EPHB2: variants seen among roughly 807,000 people sequenced by gnomAD.
EPHB2 encodes EPH receptor B2.
In EPHB2, 18 loss-of-function variants were observed where a neutral mutation model predicts 96.4. The ratio of observed to expected loss-of-function variants is 0.19; its 90% CI spans 0.13 to 0.28. EPHB2 has a LOEUF of 0.28. Among genes scored for constraint, EPHB2 ranks in the 10% least tolerant of loss-of-function variants. The pLI, the probability that EPHB2 is intolerant of heterozygous loss-of-function variation, is 1.00. For missense variants in EPHB2, 989 were observed against 1,355.4 expected, an observed-to-expected ratio of 0.73 and a Z score of 4.25; for synonymous variants, 506 against 534.1, an observed-to-expected ratio of 0.95 and a Z score of 0.72.
chr1:22,759,659 C>T (rs1251109980), intron 1 of EPHB2, among the ~76,000 whole-genome samples: 1 of 152,190 alleles, frequency 6.6e-6, no homozygotes, highest in Admixed American at 6.5e-5. Context: ...CACCTCTGCC[C>T]AGCCACCTCC....
At chr1:22,721,984 G>T (rs116530913) in intron 1 of EPHB2, among the ~76,000 whole-genome samples, 1 of 152,260 alleles carries the variant, frequency 6.6e-6, no homozygotes, top group African/African-American at 2.4e-5. Context: ...GTCTCGCTCT[G>T]TTGCCTAAGC....
intron 9 of EPHB2, among the ~76,000 whole-genome samples, chr1:22,899,581 C>G (rs2675495): frequency 0.11 from 16,805 of 152,162 alleles, 3,018 homozygotes; most frequent in African/African-American, 0.38. Context: ...ATTTAGGCAA[C>G]TATTAACCAA....
At chr1:22,857,994 T>C (rs1645727212) in intron 3 of EPHB2, among the ~76,000 whole-genome samples, 1 of 151,740 alleles carries the variant, frequency 6.6e-6, no homozygotes, top group Non-Finnish European at 1.5e-5. Flanking sequence ...GTGATGAGGG[T>C]CAGTAAAGGA....
At chr1:22,741,040 C>A (rs1053974899) in intron 1 of EPHB2, among the ~76,000 whole-genome samples, 43 of 152,102 alleles carry the variant, frequency 2.8e-4, no homozygotes, top group Non-Finnish European at 4.7e-4. Context: ...CCTCTGCCTG[C>A]CCCTTCTCCC....
chr1:22,724,240 G>A (rs1315965104), intron 1 of EPHB2, among the ~76,000 whole-genome samples: 1 of 152,124 alleles, frequency 6.6e-6, no homozygotes, highest in Non-Finnish European at 1.5e-5. Context: ...CCTTGCATGT[G>A]TGTGTGTGTG....
chr1:22,896,374 G>C (rs113963551), intron 8 of EPHB2, 40 bp from the exon 9 acceptor site: 2 of 1,613,588 alleles, frequency 1.2e-6, no homozygotes, highest in East Asian at 4.5e-5. Context: ...CTCCCTGGGC[G>C]CCTTCAGGTG....
At chr1:22,814,760 G>A (rs115530369) in intron 3 of EPHB2, among the ~76,000 whole-genome samples, 2,404 of 152,320 alleles carry the variant, frequency 0.016, 66 homozygotes, top group African/African-American at 0.055. Flanking sequence ...CATGGGCTCC[G>A]AGCCCAGTGG....
chr1:22,877,919 T>G (rs560392591), intron 5 of EPHB2, among the ~76,000 whole-genome samples: 29 of 152,336 alleles, frequency 1.9e-4, no homozygotes, highest in Admixed American at 1.7e-3. Context: ...TGGGGGGTGT[T>G]GTGGGGAGGC....
chr1:22,907,452 G>A (rs571268995), intron 11 of EPHB2, among the ~76,000 whole-genome samples: 4 of 152,332 alleles, frequency 2.6e-5, no homozygotes, highest in South Asian at 2.1e-4. Flanking sequence ...GGCCAACAGA[G>A]GAAAGTGTAT....
In EPHB2 at chr1:22,781,438, A is replaced by G. The variant is rs1423955367; in HGVS notation, c.79A>G (p.Thr27Ala). ...CCCCACAGAAACGCTAATGGACTCC[A>G]CTACAGCGACTGCTGAGCTGGGCTG... ...AAVEETLMDS[T>A]TATAELGWMV... The change falls in exon 2 of 16, where the codon ACT becomes GCT. Residue 27 changes from threonine (T) to alanine (A), a missense_variant. By Grantham distance (58) the Thr-to-Ala change is moderately conservative. Coordinates refer to ENST00000374630, the MANE Select transcript of EPHB2 (RefSeq NM_017449.5). 6.2e-7 allele frequency: 1 copy of G among 1,613,970 alleles called. No individual in the cohort carries two copies. The highest frequency in any genetic ancestry group is 8.5e-7 in the Non-Finnish European group (1 of 1,179,972).
At chr1:22,857,218 G>A (rs1326300552) in intron 3 of EPHB2, among the ~76,000 whole-genome samples, 1 of 152,156 alleles carries the variant, frequency 6.6e-6, no homozygotes, top group Non-Finnish European at 1.5e-5. Flanking sequence ...TCTGGTGGGA[G>A]TATTTACACC....
At chr1:22,882,542 G>T in intron 6 of EPHB2, 59 bp downstream of exon 6, 1 of 1,606,950 alleles carries the variant, frequency 6.2e-7, no homozygotes, top group Non-Finnish European at 8.5e-7. Flanking sequence ...CCTCTCCCAG[G>T]CTGAGGCCTG....
intron 3 of EPHB2, among the ~76,000 whole-genome samples, chr1:22,814,941 C>T (rs1264768791): frequency 6.6e-6 from 1 of 152,200 alleles, no homozygotes; most frequent in Non-Finnish European, 1.5e-5. Context: ...GTGCCTGTAA[C>T]CATGGAGACA....
At chr1:22,854,010 A>G (rs1226101107) in intron 3 of EPHB2, among the ~76,000 whole-genome samples, 3 of 152,240 alleles carry the variant, frequency 2.0e-5, no homozygotes, top group African/African-American at 7.2e-5. Flanking sequence ...GGCAGACAGG[A>G]GGAACCTGGG....
rs534044002 is a variant in EPHB2, at chr1:22,777,491, G to A, written c.62-3930G>A. On this transcript the variant is annotated intron_variant, in intron 1 of 15. Transcript: ENST00000374630. ...GTGTGTTACAGGGTGGAAAAAGGAT[G>A]TGATGGTGGTGGAAACAGAGCTTGG... Among the ~76,000 whole-genome samples the A allele has an allele frequency of 3.7e-4, 56 of 152,316 alleles. 1 individual carries two copies. The highest frequency in any genetic ancestry group is 1.3e-3 in the African/African-American group (54 of 41,570).
chr1:22,732,781 C>T (rs1026873200), intron 1 of EPHB2, among the ~76,000 whole-genome samples: 4 of 152,186 alleles, frequency 2.6e-5, no homozygotes, highest in South Asian at 2.1e-4. Flanking sequence ...GCTCCTCCTG[C>T]GTTCCTGGGC....
chr1:22,724,236 A>G (rs1473964071), intron 1 of EPHB2, among the ~76,000 whole-genome samples: 1 of 151,154 alleles, frequency 6.6e-6, no homozygotes, highest in East Asian at 1.9e-4. Flanking sequence ...TCCCCCTTGC[A>G]TGTGTGTGTG....
intron 3 of EPHB2, among the ~76,000 whole-genome samples, chr1:22,850,780 C>T (rs891929251): frequency 8.5e-5 from 13 of 152,186 alleles, no homozygotes; most frequent in Admixed American, 5.9e-4. Context: ...GAGAGAGGCT[C>T]AGGGAAGAAC....
chr1:22,906,809 A>C lies in EPHB2; in HGVS notation c.1988A>C (p.Gln663Pro). The change falls in exon 11 of 16, where the codon CAG (glutamine) becomes CCG (proline). Residue 663 changes from glutamine (Q) to proline (P), a missense_variant. Physicochemically the swap from Gln to Pro is moderately conservative, Grantham distance 76. Transcript: ENST00000374630. The surrounding 1 kb of genome is among the most constrained non-coding windows in gnomAD (Gnocchi z 4.8). ...KTLKSGYTEK[Q>P]RRDFLSEASI... ...CTCAAGTCGGGCTACACGGAGAAGC[A>C]GCGCCGGGACTTCCTGAGCGAAGCC... The C allele has an allele frequency of 6.2e-7, 1 of 1,614,220 alleles. No individual in the cohort carries two copies. The highest frequency in any genetic ancestry group is 8.5e-7 in the Non-Finnish European group (1 of 1,180,036).
Sources: allele counts gnomAD v4.1 joint callset (sites outside exome capture counted in the v4.1 genomes callset), GRCh38; gene constraint gnomAD v4.1.1; non-coding constraint Gnocchi (gnomAD v3.1); transcripts MANE v1.5; gene names NCBI Gene and HGNC (gene_info 2026-07-23, HGNC 2026-07-21).